Variants in CNTNAP2 observed in about 807,000 individuals in gnomAD.
The protein encoded by CNTNAP2 is contactin associated protein 2.
CNTNAP2 carries 98 observed loss-of-function variants against 155.2 expected under a neutral mutation model. The observed-to-expected ratio is 0.63, with a 90% confidence interval of 0.54 to 0.75. CNTNAP2 has a LOEUF of 0.75. CNTNAP2 is among the 30% of genes least tolerant of loss of function. The pLI is 0.00. For synonymous variants in CNTNAP2, 651 were observed against 631.2 expected (o/e 1.03, Z -0.47); for missense variants, 1,727 against 1,688.1 (o/e 1.02, Z -0.40).
At chr7:147,702,066 T>TG (rs1796243809) in intron 13 of CNTNAP2, among the ~76,000 whole-genome samples, 1 of 150,996 alleles carries the variant, frequency 6.6e-6, no homozygotes, top group African/African-American at 2.4e-5. Context: ...TTTTTTTTTT[T>TG]TTTTTTTTTT....
chr7:147,976,024 A>ATT (rs34999876), intron 14 of CNTNAP2, among the ~76,000 whole-genome samples: 1 of 152,110 alleles, frequency 6.6e-6, no homozygotes, highest in African/African-American at 2.4e-5. Context: ...TAGACAATAC[A>ATT]TTTTTTTAAA....
At chr7:147,840,820 T>C (rs1342056643) in intron 13 of CNTNAP2, among the ~76,000 whole-genome samples, 3 of 152,172 alleles carry the variant, frequency 2.0e-5, no homozygotes, top group Non-Finnish European at 2.9e-5. Context: ...ATCTAGATTC[T>C]TGGTTTGGAT....
intron 14 of CNTNAP2, among the ~76,000 whole-genome samples, chr7:147,955,041 A>C (rs373954317): frequency 8.5e-5 from 13 of 152,346 alleles, no homozygotes; most frequent in East Asian, 1.9e-4. Flanking sequence ...ACCGACACTG[A>C]ATTTCCCACC....
chr7:148,297,789 T>G (rs1797311129), intron 21 of CNTNAP2, among the ~76,000 whole-genome samples: 1 of 152,164 alleles, frequency 6.6e-6, no homozygotes, highest in Non-Finnish European at 1.5e-5. Context: ...TTTTCTTTTT[T>G]CAGTGCTGAG....
chr7:148,173,534 G>A (rs116120110), intron 18 of CNTNAP2, among the ~76,000 whole-genome samples: 117 of 152,348 alleles, frequency 7.7e-4, no homozygotes, highest in Middle Eastern at 3.4e-3. Context: ...CCAGGCTACT[G>A]TTTGGCAGCG....
In CNTNAP2 at chr7:147,663,038, G is replaced by A. The variant is rs374341328; in HGVS notation, c.2098+23732G>A. On this transcript the variant is annotated intron_variant, in intron 13 of 23. Coordinates refer to ENST00000361727, the MANE Select transcript of CNTNAP2 (RefSeq NM_014141.6). ...TTTTGAGACCGAGTCTCGCTCTGTC[G>A]CCCAGGCTGGAGTGCAGTGGCGCGT... is the stretch of plus-strand genomic sequence containing the variant. Among the ~76,000 whole-genome samples, 15 of 152,120 alleles carry A rather than the reference G, an allele frequency of 9.9e-5. No individual in the cohort carries two copies. The South Asian group carries it at 1.7e-3, about 17-fold the overall frequency.
chr7:147,165,232 T>C (rs1845894), intron 8 of CNTNAP2, among the ~76,000 whole-genome samples: 71,728 of 151,938 alleles, frequency 0.47, 17,225 homozygotes, highest in East Asian at 0.64. Context: ...TTTTGATTTG[T>C]ACTTCCCTGA....
chr7:147,341,232 G>A (rs1040099045), intron 9 of CNTNAP2, among the ~76,000 whole-genome samples: 16 of 151,778 alleles, frequency 1.1e-4, no homozygotes, highest in Admixed American at 6.6e-5. Context: ...AGTGAGAGTC[G>A]AACAATGAGA....
chr7:147,493,944 G>C (rs567368373), intron 11 of CNTNAP2, among the ~76,000 whole-genome samples: 1 of 152,168 alleles, frequency 6.6e-6, no homozygotes, highest in Non-Finnish European at 1.5e-5. Context: ...GCTTGGTAGA[G>C]AATATGGTTT....
chr7:147,580,786 T>G (rs1246959267), intron 12 of CNTNAP2, among the ~76,000 whole-genome samples: 1 of 152,144 alleles, frequency 6.6e-6, no homozygotes, highest in Non-Finnish European at 1.5e-5. Flanking sequence ...CAGCTAATTT[T>G]TGTATTTTTA....
At chr7:146,990,835 T>C (rs73463289) in intron 3 of CNTNAP2, among the ~76,000 whole-genome samples, 2,130 of 152,230 alleles carry the variant, frequency 0.014, 46 homozygotes, top group African/African-American at 0.049. Flanking sequence ...AATGACTTTT[T>C]GAAGTCACCA....
At chr7:146,835,961 G>A (rs1192223432) in intron 2 of CNTNAP2, among the ~76,000 whole-genome samples, 6 of 152,170 alleles carry the variant, frequency 3.9e-5, no homozygotes, top group Non-Finnish European at 7.3e-5. Flanking sequence ...AGTCGTTGCA[G>A]TTGCACAACC....
At chr7:146,929,763 A>G (rs1203087432) in intron 3 of CNTNAP2, among the ~76,000 whole-genome samples, 3 of 152,254 alleles carry the variant, frequency 2.0e-5, no homozygotes, top group African/African-American at 7.2e-5. Context: ...TGGAGCTGAA[A>G]GCCAAGGCTC....
chr7:147,644,774 C>G (rs891374577), intron 13 of CNTNAP2, among the ~76,000 whole-genome samples: 1 of 152,128 alleles, frequency 6.6e-6, no homozygotes, highest in African/African-American at 2.4e-5. Context: ...AACTATTATG[C>G]TGCCATTAAA....
intron 1 of CNTNAP2, among the ~76,000 whole-genome samples, chr7:146,271,345 G>A (rs1800079650): frequency 6.6e-6 from 1 of 151,904 alleles, no homozygotes; most frequent in Non-Finnish European, 1.5e-5. Flanking sequence ...AATCACCATA[G>A]GATTATTGTT....
intron 13 of CNTNAP2, among the ~76,000 whole-genome samples, chr7:147,666,536 C>A (rs1165128836): frequency 6.6e-6 from 1 of 152,128 alleles, no homozygotes; most frequent in Non-Finnish European, 1.5e-5. Context: ...CTATGCTATA[C>A]TTTAATTGTT....
At chr7:147,784,294 C>G (rs79827177) in intron 13 of CNTNAP2, among the ~76,000 whole-genome samples, 1,654 of 148,720 alleles carry the variant, frequency 0.011, 100 homozygotes, top group Admixed American at 0.089. Context: ...CAACCCATAA[C>G]AATGCTCATT....
intron 1 of CNTNAP2, among the ~76,000 whole-genome samples, chr7:146,476,238 A>G (rs1000449504): frequency 6.6e-6 from 1 of 152,200 alleles, no homozygotes; most frequent in African/African-American, 2.4e-5. Context: ...AATTTAGAGT[A>G]GGTTGTCAAT....
intron 12 of CNTNAP2, among the ~76,000 whole-genome samples, chr7:147,618,843 G>C (rs937296370): frequency 6.6e-6 from 1 of 152,008 alleles, no homozygotes; most frequent in African/African-American, 2.4e-5. Flanking sequence ...GCCATGCAAG[G>C]AATTGAGTTC....
Sources: allele counts gnomAD v4.1 joint callset (sites outside exome capture counted in the v4.1 genomes callset), GRCh38; gene constraint gnomAD v4.1.1; transcripts MANE v1.5; gene names NCBI Gene and HGNC (gene_info 2026-07-23, HGNC 2026-07-21).